Variants in KAZN observed in about 807,000 individuals in gnomAD.
The protein encoded by KAZN is kazrin.
A neutral mutation model predicts 87.4 loss-of-function variants in KAZN; 40 were observed. The observed-to-expected ratio is 0.46, with a 90% CI of 0.36 to 0.60. The LOEUF (loss-of-function observed/expected upper bound fraction) is 0.60, where lower values mean the gene tolerates loss of function less well. Ranked by LOEUF, KAZN falls within the 20% of genes least tolerant of loss-of-function variation. The pLI is 0.00. For missense variants in KAZN, 898 were observed against 1,073.9 expected (o/e 0.84, Z 2.29); for synonymous variants, 466 against 458.3 (o/e 1.02, Z -0.22).
chr1:14,052,470 A>T (rs1166497124), intron 1 of KAZN, among the ~76,000 whole-genome samples: 1 of 152,130 alleles, frequency 6.6e-6, no homozygotes, highest in Non-Finnish European at 1.5e-5. Flanking sequence ...ATGGGAGTTT[A>T]CAATTAAGAT....
chr1:15,007,056 C>CAAA (rs35245453), intron 2 of KAZN, among the ~76,000 whole-genome samples: 62 of 67,466 alleles, frequency 9.2e-4, no homozygotes, highest in Middle Eastern at 9.1e-3. Context: ...GACTCCGTCT[C>CAAA]AAAAAAAAAA....
intron 6 of KAZN, chr1:15,062,369 C>T (rs1410199666): frequency 6.6e-6 from 1 of 152,658 alleles, no homozygotes; most frequent in African/African-American, 2.4e-5. Context: ...TGTTTGCAAA[C>T]CTTGAGACTA....
chr1:15,015,132 TTTTATTTA>T (rs149046122), intron 2 of KAZN, among the ~76,000 whole-genome samples: 21,714 of 149,334 alleles, frequency 0.15, 1,758 homozygotes, highest in Non-Finnish European at 0.18. Context: ...AGTTTTTTCT[TTTTATTTA>T]TTTATTTATT....
intron 2 of KAZN, among the ~76,000 whole-genome samples, chr1:14,367,957 A>G (rs12075493): frequency 0.11 from 16,820 of 152,184 alleles, 1,457 homozygotes; most frequent in African/African-American, 0.24. Flanking sequence ...TAAAAATGTA[A>G]GAAGCCTGAA....
chr1:14,149,099 C>CCTTTT (rs1557515735), intron 1 of KAZN, among the ~76,000 whole-genome samples: 3 of 84,378 alleles, frequency 3.6e-5, no homozygotes, highest in African/African-American at 1.8e-4. Context: ...TCCTTTCTTT[C>CCTTTT]TTTCCTTTTT....
rs890091286 is a variant in KAZN at position 15,094,890 on chromosome 1, C to T, written c.1504C>T (p.Arg502Cys). 4 of 1,550,438 alleles carry T rather than the reference C, an allele frequency of 2.6e-6. No individual in the cohort carries two copies. The highest frequency in any genetic ancestry group is 3.5e-6 in the Non-Finnish European group (4 of 1,146,776). Reference protein sequence around the residue: ...VCSSLHRRKLRLAIEDYRDAE... With the variant: ...VCSSLHRRKLCLAIEDYRDAE... ...CAGCTCCCTGCACCGGCGCAAGCTG[C>T]GCCTGGCCATCGAGGACTACCGTGA... Residue 502 changes from arginine (R) to cysteine (C), a missense_variant, in exon 10 of 15, where the codon CGC becomes TGC. Coordinates refer to ENST00000376030, the MANE Select transcript of KAZN (RefSeq NM_201628.3). The surrounding 1 kb of genome is among the most constrained non-coding windows in gnomAD (Gnocchi z 4.5).
At chr1:14,618,992 G>A (rs968263547) in intron 1 of KAZN, among the ~76,000 whole-genome samples, 4 of 152,134 alleles carry the variant, frequency 2.6e-5, no homozygotes, top group African/African-American at 9.7e-5. Flanking sequence ...AGACACGGCA[G>A]GACGACAGCA....
At chr1:14,671,580 T>G (rs1054699354) in intron 1 of KAZN, among the ~76,000 whole-genome samples, 2 of 152,228 alleles carry the variant, frequency 1.3e-5, no homozygotes, top group Admixed American at 6.5e-5. Context: ...ACTTATTTAT[T>G]GCTTTTCAGA....
intron 1 of KAZN, among the ~76,000 whole-genome samples, chr1:14,660,879 G>A (rs1639126685): frequency 6.6e-6 from 1 of 152,072 alleles, no homozygotes; most frequent in African/African-American, 2.4e-5. Context: ...TATCCATCTG[G>A]AAAGCAATGC....
rs566211074 is a variant in KAZN at position 14,869,722 on chromosome 1, T to C, written c.227-90962T>C. Among the ~76,000 whole-genome samples the C allele has an allele frequency of 2.6e-5, 4 of 152,342 alleles. No homozygotes were observed. The East Asian group carries it at 7.7e-4, about 29-fold the overall frequency. ...ATTCCAAAGCAGTGGTTGTGGGTAA[T>C]GTTTGAGTACTTGCTTCTGTTCTCC... On this transcript the variant is annotated intron_variant, in intron 1 of 14. Transcript: ENST00000376030.
At chr1:15,112,373 G>A (rs1373475660) in intron 13 of KAZN, 54 bp from the exon 14 acceptor site, 6 of 773,398 alleles carry the variant, frequency 7.8e-6, no homozygotes, top group Non-Finnish European at 1.3e-5. Flanking sequence ...GTGTGTGTGT[G>A]TCTGGGGAGC....
chr1:14,055,437 A>G (rs1288900938), intron 1 of KAZN, among the ~76,000 whole-genome samples: 1 of 152,194 alleles, frequency 6.6e-6, no homozygotes, highest in Non-Finnish European at 1.5e-5. Context: ...GATATAAGAC[A>G]CACGCATGTT....
intron 2 of KAZN, among the ~76,000 whole-genome samples, chr1:14,353,006 TAGG>T (rs371844950): frequency 2.6e-5 from 4 of 152,208 alleles, no homozygotes; most frequent in Non-Finnish European, 5.9e-5. Flanking sequence ...TAACTAGGGA[TAGG>T]AGGAGATTTC....
chr1:14,749,224 A>G (rs7553316), intron 1 of KAZN, among the ~76,000 whole-genome samples: 5,177 of 152,274 alleles, frequency 0.034, 289 homozygotes, highest in African/African-American at 0.12. Flanking sequence ...ACACAGTGCT[A>G]TGGGCAGCAA....
Position 13,961,815 on chromosome 1 carries a change from T to A in KAZN, c.91+68059T>A, listed in dbSNP as rs1004797967. Among the ~76,000 whole-genome samples, 7 of 152,340 alleles carry A rather than the reference T, an allele frequency of 4.6e-5. No individual in the cohort carries two copies. In the South Asian group the frequency reaches 8.3e-4, roughly 18 times the overall value. ...TCCACGTCTAATTCTCTTTATCCTC[T>A]GTCCCCAGCACACTTGGAAATGCTT... is the stretch of plus-strand genomic sequence containing the variant. On this transcript the variant is annotated intron_variant, in intron 1 of 16. Coordinates refer to the KAZN transcript ENST00000636203.
At chr1:14,932,299 G>A (rs543992553) in intron 1 of KAZN, among the ~76,000 whole-genome samples, 8 of 145,300 alleles carry the variant, frequency 5.5e-5, no homozygotes, top group Non-Finnish European at 1.1e-4. Flanking sequence ...GCGTGATGCC[G>A]TTCAGGTGGT....
chr1:14,389,375 T>C (rs1274766102), intron 2 of KAZN, among the ~76,000 whole-genome samples: 3 of 152,220 alleles, frequency 2.0e-5, no homozygotes, highest in African/African-American at 7.2e-5. Context: ...AGAAAGGAAA[T>C]CTGTATATCA....
intron 1 of KAZN, among the ~76,000 whole-genome samples, chr1:14,047,877 G>GAA (rs377534581): frequency 1.3e-4 from 16 of 127,168 alleles, no homozygotes; most frequent in Admixed American, 2.4e-4. Context: ...AAAGAAAAAA[G>GAA]AAAAAAAAAA....
intron 2 of KAZN, among the ~76,000 whole-genome samples, chr1:14,977,883 CTTTTTTTTTTTT>C (rs34375176): frequency 1.1e-5 from 1 of 91,114 alleles, no homozygotes; most frequent in Non-Finnish European, 2.0e-5. Flanking sequence ...GGGTGCACGT[CTTTTTTTTTTTT>C]TTTTTTTTTT....
Sources: gnomAD v4.1 joint callset for allele counts (sites outside exome capture counted in the v4.1 genomes callset) on GRCh38, gnomAD v4.1.1 for gene constraint, Gnocchi (gnomAD v3.1) non-coding constraint, MANE v1.5 for transcripts, NCBI Gene and HGNC (gene_info 2026-07-23, HGNC 2026-07-21) for gene names.